AP4E1: variants seen among roughly 807,000 people sequenced by gnomAD.
AP4E1 encodes AP-4 complex subunit epsilon-1.
In AP4E1, 56 loss-of-function variants were observed where a neutral mutation model predicts 128.2. That is an observed-to-expected ratio of 0.44 (90% confidence interval 0.35 to 0.55). AP4E1 has a LOEUF of 0.55. Among genes scored for constraint, AP4E1 ranks in the 20% least tolerant of loss-of-function variants. The pLI is 0.00. For missense variants in AP4E1, 1,324 were observed against 1,307.7 expected (o/e 1.01, Z -0.19); for synonymous variants, 484 against 473.1 (o/e 1.02, Z -0.30).
intron 15 of AP4E1, among the ~76,000 whole-genome samples, chr15:50,973,700 C>T (rs770877525): frequency 5.3e-5 from 8 of 152,146 alleles, no homozygotes; most frequent in Non-Finnish European, 1.0e-4. Flanking sequence ...TTTCACTTAG[C>T]ATAATATTCT....
chr15:50,970,759 A>T (rs1405783025), intron 15 of AP4E1, among the ~76,000 whole-genome samples: 4 of 152,064 alleles, frequency 2.6e-5, no homozygotes, highest in Admixed American at 2.0e-4. Flanking sequence ...TTTAGAGGTG[A>T]GGTGAGTTTC....
chr15:50,912,817 C>T (rs1318628605), intron 2 of AP4E1, among the ~76,000 whole-genome samples: 1 of 152,104 alleles, frequency 6.6e-6, no homozygotes, highest in East Asian at 1.9e-4. Flanking sequence ...TGCCCGCCAC[C>T]ATGCCTGGCT....
Position 50,948,013 on chromosome 15 carries a change from TA to T in AP4E1, c.1177-4del. On this transcript the variant is annotated splice_polypyrimidine_tract_variant and splice_region_variant and intron_variant, in intron 10 of 20. Coordinates refer to ENST00000261842, the MANE Select transcript of AP4E1 (RefSeq NM_007347.5). ...AATATTGTTTTTAATTTTTCTTCTT[TA>T]AATAGACTCTGGAACTTCTTTACAG... 2 of 1,584,532 alleles carry T rather than the reference TA, an allele frequency of 1.3e-6. No homozygotes were observed. Among genetic ancestry groups the T allele is most frequent in the Non-Finnish European group, 1.7e-6 (2 of 1,154,776 alleles).
chr15:50,920,862 G>A (rs1339252761), intron 3 of AP4E1, among the ~76,000 whole-genome samples: 2 of 152,130 alleles, frequency 1.3e-5, no homozygotes, highest in Non-Finnish European at 2.9e-5. Flanking sequence ...GCAATGGCAC[G>A]ATCTCGGCTT....
chr15:50,915,304 G>A (rs1381668040), intron 2 of AP4E1, 144 bp from the exon 3 acceptor site: 5 of 808,948 alleles, frequency 6.2e-6, no homozygotes, highest in Non-Finnish European at 9.6e-6. Context: ...TATAAAGTCT[G>A]ATATTGGGTG....
chr15:50,961,522 T>C (rs2064313821), intron 14 of AP4E1, among the ~76,000 whole-genome samples: 1 of 152,002 alleles, frequency 6.6e-6, no homozygotes. Context: ...ATCATCTCAA[T>C]AGATGCAGAG....
intron 3 of AP4E1, among the ~76,000 whole-genome samples, chr15:50,916,396 C>G (rs2063631654): frequency 6.6e-6 from 1 of 152,186 alleles, no homozygotes; most frequent in Non-Finnish European, 1.5e-5. Flanking sequence ...AATTTTCTCT[C>G]TATAGTCAAC....
At chr15:50,909,331 A>C (rs1193431951) in intron 1 of AP4E1, among the ~76,000 whole-genome samples, 1 of 152,166 alleles carries the variant, frequency 6.6e-6, no homozygotes, top group African/African-American at 2.4e-5. Flanking sequence ...TACCTTCCAC[A>C]AAGTTTTTTT....
chr15:50,922,191 C>T lies in AP4E1; in HGVS notation c.347-1740C>T, dbSNP rs146817209. ...AAAAAAAAAAAAAAAAAAATTAGCTCGGTGTGATGGTGCATGCCTTGGTCC... is the reference window on the plus strand; with the variant it reads ...AAAAAAAAAAAAAAAAAAATTAGCTTGGTGTGATGGTGCATGCCTTGGTCC... On this transcript the variant is annotated intron_variant, in intron 3 of 20. Coordinates refer to ENST00000261842, the MANE Select transcript of AP4E1 (RefSeq NM_007347.5). Among the ~76,000 whole-genome samples the T allele has an allele frequency of 3.3e-4, 48 of 147,636 alleles. 2 individuals are homozygous for T. In the East Asian group the frequency reaches 9.1e-3, roughly 28 times the overall value.
intron 5 of AP4E1, among the ~76,000 whole-genome samples, chr15:50,927,516 GT>G (rs11378934): frequency 5.8e-4 from 81 of 140,274 alleles, no homozygotes; most frequent in Non-Finnish European, 8.4e-4. Flanking sequence ...CCTATTCAGA[GT>G]TTTTTTTTTT....
At chr15:50,945,285 A>C (rs180691776) in intron 10 of AP4E1, 12 of 782,244 alleles carry the variant, frequency 1.5e-5, no homozygotes, top group South Asian at 1.5e-4. Context: ...CCCAATCGAG[A>C]CATTTCTCTT....
rs1378167986 is a variant in AP4E1 at position 50,931,001 on chromosome 15, G to T, written c.869+30G>T. On this transcript the variant is annotated intron_variant, in intron 7 of 20. Transcript: ENST00000261842. ...ACTATTTTCAGTAAGTTTGCTTAAT[G>T]ACCCCCATACCAGATGATAAGCTTA... The T allele has an allele frequency of 2.5e-6, 4 of 1,612,424 alleles. No homozygotes were observed. In the East Asian group the frequency reaches 6.7e-5, roughly 27 times the overall value.
chr15:50,939,260 G>A (rs1224111344), intron 8 of AP4E1, among the ~76,000 whole-genome samples: 2 of 151,980 alleles, frequency 1.3e-5, no homozygotes, highest in African/African-American at 4.8e-5. Context: ...ATCACTTGAG[G>A]TTAGGAGTTC....
In AP4E1 at chr15:50,923,966, C is replaced by A; in HGVS notation, c.382C>A (p.His128Asn). The A allele has an allele frequency of 1.9e-6, 3 of 1,612,058 alleles. No individual in the cohort carries two copies. In the South Asian group the frequency reaches 3.3e-5, roughly 18 times the overall value. Residue 128 changes from histidine (H) to asparagine (N), a missense_variant, in exon 4 of 21, where the codon CAT (histidine) becomes AAT (asparagine). Coordinates refer to ENST00000261842, the MANE Select transcript of AP4E1 (RefSeq NM_007347.5). ...LAVSLFLHES[H>N]ELLLLLVNTV... ...TGTTTCCTTATTTCTACATGAAAGTCATGAATTATTGCTTCTCCTTGTGAA... is the reference window on the plus strand; with the variant it reads ...TGTTTCCTTATTTCTACATGAAAGTAATGAATTATTGCTTCTCCTTGTGAA...
intron 17 of AP4E1, among the ~76,000 whole-genome samples, chr15:50,995,508 C>G (rs1432236161): frequency 6.6e-6 from 1 of 151,406 alleles, no homozygotes; most frequent in Non-Finnish European, 1.5e-5. Flanking sequence ...GTCTCAGTCT[C>G]CCCAGTAGCT....
chr15:50,952,523 AAAAG>A (rs1269674243), intron 13 of AP4E1, among the ~76,000 whole-genome samples: 1 of 151,952 alleles, frequency 6.6e-6, no homozygotes, highest in Non-Finnish European at 1.5e-5. Flanking sequence ...AAAAAAAAAA[AAAAG>A]AAGTGTACAG....
chr15:50,914,839 GA>G (rs2063609716), intron 2 of AP4E1, among the ~76,000 whole-genome samples: 1 of 151,952 alleles, frequency 6.6e-6, no homozygotes, highest in South Asian at 2.1e-4. Context: ...GACCCCATTA[GA>G]AAACTAAATA....
intron 15 of AP4E1, among the ~76,000 whole-genome samples, chr15:50,982,577 C>T (rs1266538992): frequency 2.0e-5 from 3 of 152,208 alleles, no homozygotes. Context: ...CATTTGGAAA[C>T]TGTTGACGTA....
Position 50,915,561 on chromosome 15 carries a change from A to G in AP4E1, c.336A>G (p.Glu112=). 1 of 1,613,618 alleles carries G rather than the reference A, an allele frequency of 6.2e-7. No individual in the cohort carries two copies. Among genetic ancestry groups the G allele is most frequent in the Non-Finnish European group, 8.5e-7 (1 of 1,179,730 alleles). Residue 112 remains glutamate (E), a synonymous_variant, in exon 3 of 21, where the codon GAA becomes GAG. Transcript: ENST00000261842. ...TAGCCCAACAAGGAAACCTCTTAGA[A>G]AAAAGAGTAGGTATGTATGTGTTTT... The part of the protein sequence containing the change: ...IKLAQQGNLL[E]KRVGYLAVSL...
Sources: allele counts gnomAD v4.1 joint callset (sites outside exome capture counted in the v4.1 genomes callset), GRCh38; gene constraint gnomAD v4.1.1; transcripts MANE v1.5; gene names NCBI Gene and HGNC (gene_info 2026-07-23, HGNC 2026-07-21).